The following ESRRB variants were observed in gnomAD, a reference collection of about 807,000 sequenced individuals.
The protein encoded by ESRRB is estrogen related receptor beta, also known as steroid hormone receptor ERR2.
In ESRRB, 16 loss-of-function variants were observed where a neutral mutation model predicts 46.0. That is an observed-to-expected ratio of 0.35 (90% CI 0.24 to 0.53). The LOEUF is 0.53. ESRRB is among the 20% of genes least tolerant of loss of function. The pLI is 0.93. For synonymous variants in ESRRB, 246 were observed against 259.6 expected (o/e 0.95, Z 0.50); for missense variants, 488 against 607.4 (o/e 0.80, Z 2.07).
chr14:76,399,025 G>C (rs1484652084), intron 1 of ESRRB, among the ~76,000 whole-genome samples: 2 of 152,156 alleles, frequency 1.3e-5, no homozygotes, highest in African/African-American at 4.8e-5. Flanking sequence ...TGAGACCCAA[G>C]TGTCTTGCTG....
intron 1 of ESRRB, among the ~76,000 whole-genome samples, chr14:76,327,902 C>T (rs528178445): frequency 1.7e-3 from 257 of 151,716 alleles, no homozygotes; most frequent in Middle Eastern, 3.4e-3. Context: ...TAAGTAGAGA[C>T]GAGGTTTCAC....
chr14:76,469,635 A>C (rs1889273125), intron 3 of ESRRB, among the ~76,000 whole-genome samples: 1 of 152,200 alleles, frequency 6.6e-6, no homozygotes, highest in Non-Finnish European at 1.5e-5. Flanking sequence ...TTAGCCCCTC[A>C]AAATGCTGGG....
intron 1 of ESRRB, among the ~76,000 whole-genome samples, chr14:76,314,589 A>T (rs994803732): frequency 6.6e-6 from 1 of 151,732 alleles, no homozygotes; most frequent in East Asian, 1.9e-4. Flanking sequence ...CCCTTTTCCC[A>T]CTGTGATGTG....
chr14:76,322,907 CCA>C (rs1238508465), intron 1 of ESRRB, among the ~76,000 whole-genome samples: 2 of 152,182 alleles, frequency 1.3e-5, no homozygotes, highest in African/African-American at 4.8e-5. Flanking sequence ...TGGATGGAGT[CCA>C]GCATGCGCTC....
chr14:76,404,066 G>C (rs1886062053), intron 1 of ESRRB, among the ~76,000 whole-genome samples: 2 of 152,160 alleles, frequency 1.3e-5, no homozygotes, highest in African/African-American at 4.8e-5. Context: ...ACTTGGACAA[G>C]TCTACATACT....
chr14:76,372,538 G>A (rs1262520228), upstream of ESRRB, among the ~76,000 whole-genome samples: 1 of 152,144 alleles, frequency 6.6e-6, no homozygotes, highest in Non-Finnish European at 1.5e-5. Context: ...GAGGGAGTAG[G>A]AAAAGCAGAG....
intron 6 of ESRRB, among the ~76,000 whole-genome samples, chr14:76,493,046 C>T (rs1304436088): frequency 6.6e-6 from 1 of 152,150 alleles, no homozygotes; most frequent in Non-Finnish European, 1.5e-5. Flanking sequence ...TCAGATAGAC[C>T]CAAGTTCAAA....
upstream of ESRRB, among the ~76,000 whole-genome samples, chr14:76,374,407 G>A (rs1372047966): frequency 1.3e-5 from 2 of 152,198 alleles, no homozygotes; most frequent in African/African-American, 2.4e-5. Flanking sequence ...AAAGACTGGG[G>A]CCCAGAGGGA....
chr14:76,469,822 T>C (rs1032647963), intron 3 of ESRRB, among the ~76,000 whole-genome samples: 1 of 152,022 alleles, frequency 6.6e-6, no homozygotes, highest in Admixed American at 6.6e-5. Flanking sequence ...CTTGTCCCAT[T>C]CACCCCTTTC....
At chr14:76,360,419 CAG>C (rs200166170) in intron 1 of ESRRB, among the ~76,000 whole-genome samples, 5,895 of 151,802 alleles carry the variant, frequency 0.039, 165 homozygotes, top group East Asian at 0.12. Context: ...GAGAGAGAGA[CAG>C]AGAGAGACAG....
chr14:76,469,927 TTGTTTTTTTTTTTTTTC>T (rs1889293989), intron 3 of ESRRB, among the ~76,000 whole-genome samples: 2 of 114,520 alleles, frequency 1.7e-5, no homozygotes, highest in African/African-American at 7.2e-5. Flanking sequence ...GTGTTTTTTG[TTGTTTTTTTTTTTTTTC>T]TTTTTTTTTT....
At chr14:76,330,666 C>T (rs961841987) in intron 1 of ESRRB, among the ~76,000 whole-genome samples, 9 of 152,138 alleles carry the variant, frequency 5.9e-5, no homozygotes, top group Admixed American at 3.9e-4. Context: ...CTTCGGGAAG[C>T]TTTAGGACTC....
chr14:76,433,020 T>G (rs1173810069), intron 1 of ESRRB, among the ~76,000 whole-genome samples: 1 of 152,100 alleles, frequency 6.6e-6, no homozygotes, highest in African/African-American at 2.4e-5. Flanking sequence ...ATGGCATCAC[T>G]TCTTCCAGTA....
At chr14:76,404,958 T>C (rs1886113354) in intron 1 of ESRRB, among the ~76,000 whole-genome samples, 1 of 152,216 alleles carries the variant, frequency 6.6e-6, no homozygotes, top group African/African-American at 2.4e-5. Context: ...CAGCTGGATG[T>C]TGACATTCTG....
At chr14:76,436,073 C>T (rs1394928517) in intron 1 of ESRRB, among the ~76,000 whole-genome samples, 1 of 152,234 alleles carries the variant, frequency 6.6e-6, no homozygotes, top group Non-Finnish European at 1.5e-5. Flanking sequence ...GGGTCTTCAT[C>T]CAGGGCCTGG....
At chr14:76,328,162 G>A (rs1883957441) in intron 1 of ESRRB, among the ~76,000 whole-genome samples, 1 of 152,162 alleles carries the variant, frequency 6.6e-6, no homozygotes, top group African/African-American at 2.4e-5. Flanking sequence ...GAGGCCGGTG[G>A]TCAGAGCACC....
intron 2 of ESRRB, among the ~76,000 whole-genome samples, chr14:76,442,454 C>A (rs1887958781): frequency 6.6e-6 from 1 of 151,682 alleles, no homozygotes; most frequent in Non-Finnish European, 1.5e-5. Flanking sequence ...CCAGCCTGGG[C>A]AACAGAGCAA....
At chr14:76,329,820 C>T (rs1385415761) in intron 1 of ESRRB, among the ~76,000 whole-genome samples, 1 of 152,178 alleles carries the variant, frequency 6.6e-6, no homozygotes, top group African/African-American at 2.4e-5. Flanking sequence ...AAGCACAAAG[C>T]GGCCCCAAAA....
intron 1 of ESRRB, among the ~76,000 whole-genome samples, chr14:76,387,623 G>T (rs531065254): frequency 6.6e-6 from 1 of 152,282 alleles, no homozygotes; most frequent in East Asian, 1.9e-4. Flanking sequence ...TGCCTCCGTG[G>T]CTTGCCTGAC....
Sources: allele counts gnomAD v4.1 joint callset (sites outside exome capture counted in the v4.1 genomes callset), GRCh38; gene constraint gnomAD v4.1.1; transcripts MANE v1.5; gene names NCBI Gene and HGNC (gene_info 2026-07-23, HGNC 2026-07-21).